The following NCOA2 variants were observed in gnomAD, a reference collection of about 807,000 sequenced individuals.
NCOA2 encodes the protein nuclear receptor coactivator 2, also known as class E basic helix-loop-helix protein 75.
Under a neutral mutation model 145.1 loss-of-function variants are expected in NCOA2, and 21 were observed. The observed-to-expected ratio is 0.14, with a 90% confidence interval of 0.10 to 0.21. The LOEUF is 0.21. Ranked by LOEUF, NCOA2 falls within the 10% of genes least tolerant of loss-of-function variation. The pLI, the probability that NCOA2 is intolerant of heterozygous loss-of-function variation, is 1.00. For synonymous variants in NCOA2, 619 were observed against 637.5 expected (o/e 0.97, Z 0.44); for missense variants, 1,472 against 1,837.6 (o/e 0.80, Z 3.64).
intron 1 of NCOA2, among the ~76,000 whole-genome samples, chr8:70,339,913 T>G (rs1807969747): frequency 6.6e-6 from 1 of 152,186 alleles, no homozygotes; most frequent in Admixed American, 6.5e-5. Context: ...GTGGACCCCT[T>G]CCTTACACCT....
chr8:70,329,752 G>A (rs187640819), intron 1 of NCOA2, among the ~76,000 whole-genome samples: 5 of 152,082 alleles, frequency 3.3e-5, no homozygotes, highest in East Asian at 1.9e-4. Flanking sequence ...AAGCACTAAC[G>A]CTATATACTA....
At chr8:70,423,838 C>T in the NCOA2 span, among the ~76,000 whole-genome samples, 1 of 152,174 alleles carries the variant, frequency 6.6e-6, no homozygotes, top group Non-Finnish European at 1.5e-5. Flanking sequence ...GCAGCACACT[C>T]TTGTCCCACA....
intron 2 of NCOA2, among the ~76,000 whole-genome samples, chr8:70,288,095 T>C (rs971535093): frequency 2.6e-5 from 4 of 152,246 alleles, no homozygotes; most frequent in South Asian, 4.2e-4. Flanking sequence ...GTCTTTAAAA[T>C]AGGATCATAA....
upstream of NCOA2, among the ~76,000 whole-genome samples, chr8:70,407,728 G>A (rs764791000): frequency 2.6e-5 from 4 of 152,136 alleles, no homozygotes; most frequent in African/African-American, 4.8e-5. Context: ...ACCGGGAGGC[G>A]GAGGTTGCAG....
Position 70,113,655 on chromosome 8 carries a change from C to G in NCOA2, c.4384-12G>C. The G allele has an allele frequency of 6.4e-7, 1 of 1,551,630 alleles. No homozygotes were observed. The highest frequency in any genetic ancestry group is 8.7e-7 in the Non-Finnish European group (1 of 1,146,902). ...TGTCAGCAATATTTCTGTAGGAAAACAGATAAAAAGTTGTGAAACATCTTT... is the reference window on the plus strand; with the variant it reads ...TGTCAGCAATATTTCTGTAGGAAAAGAGATAAAAAGTTGTGAAACATCTTT... On this transcript the variant is annotated splice_polypyrimidine_tract_variant and intron_variant, in intron 22 of 22. Coordinates refer to ENST00000452400, the MANE Select transcript of NCOA2 (RefSeq NM_006540.4).
chr8:70,139,257 T>TA (rs1369359815), intron 14 of NCOA2, among the ~76,000 whole-genome samples: 2 of 152,332 alleles, frequency 1.3e-5, no homozygotes, highest in Admixed American at 6.5e-5. Context: ...TGGAGTTTAT[T>TA]AAAAATCAGA....
intron 16 of NCOA2, among the ~76,000 whole-genome samples, chr8:70,130,095 G>T (rs1008977030): frequency 4.6e-5 from 7 of 152,198 alleles, no homozygotes; most frequent in African/African-American, 1.7e-4. Context: ...GTGACAGCCA[G>T]GAGCCCACTG....
intron 1 of NCOA2, among the ~76,000 whole-genome samples, chr8:70,321,812 TTTTTTTTTTG>T: frequency 7.0e-6 from 1 of 142,494 alleles, no homozygotes; most frequent in Non-Finnish European, 1.5e-5. Flanking sequence ...TTTTTTTTTT[TTTTTTTTTTG>T]GTGAAACAGC....
At position 70,159,242 on chromosome 8, in the gene NCOA2, A is replaced by ATATATATATATATTTTTTTT; in HGVS notation, c.1124+262_1124+263insAAAAAAAATATATATATATA. On this transcript the variant is annotated intron_variant, in intron 10 of 22. Coordinates refer to ENST00000452400, the MANE Select transcript of NCOA2 (RefSeq NM_006540.4). ...TAACATTATATATATATATATATAT[A>ATATATATATATATTTTTTTT]TTTTTTTTTTTTTCCCCCAAATATT... Among the ~76,000 whole-genome samples the ATATATATATATATTTTTTTT allele has an allele frequency of 1.8e-4, 11 of 61,076 alleles. 1 individual carries two copies. The highest frequency in any genetic ancestry group is 5.9e-4 in the African/African-American group (11 of 18,496). 40.1% of individuals were successfully genotyped at this position (61,076 alleles called of 152,430 possible). A position where few individuals can be genotyped will look rare whatever the true frequency, so the allele number is the denominator to read the frequency against.
chr8:70,404,239 A>G (rs1814653186), upstream of NCOA2, among the ~76,000 whole-genome samples: 1 of 152,242 alleles, frequency 6.6e-6, no homozygotes, highest in South Asian at 2.1e-4. Flanking sequence ...GAGAGTCAAC[A>G]GAGGACTGCA....
At chr8:70,325,455 ACT>A (rs1806469342) in intron 1 of NCOA2, among the ~76,000 whole-genome samples, 12 of 151,282 alleles carry the variant, frequency 7.9e-5, no homozygotes, top group Admixed American at 7.9e-4. Context: ...TTTTTTAAAC[ACT>A]CTGTCGCCCA....
At chr8:70,234,473 T>C (rs1821424502) in intron 2 of NCOA2, among the ~76,000 whole-genome samples, 1 of 152,222 alleles carries the variant, frequency 6.6e-6, no homozygotes, top group African/African-American at 2.4e-5. Flanking sequence ...TTTACATTCC[T>C]ACCAGTAATA....
intron 2 of NCOA2, among the ~76,000 whole-genome samples, chr8:70,240,323 C>G (rs939041063): frequency 2.6e-5 from 4 of 152,164 alleles, no homozygotes; most frequent in African/African-American, 9.7e-5. Flanking sequence ...AAGTACATGG[C>G]CTGGTATACA....
At chr8:70,153,714 CACTT>C (rs1458085443) in intron 11 of NCOA2, among the ~76,000 whole-genome samples, 1 of 152,182 alleles carries the variant, frequency 6.6e-6, no homozygotes, top group African/African-American at 2.4e-5. Flanking sequence ...AAGATTAAAA[CACTT>C]ACAGGTGTTA....
At chr8:70,372,502 T>C (rs1485990034) in intron 1 of NCOA2, among the ~76,000 whole-genome samples, 1 of 152,132 alleles carries the variant, frequency 6.6e-6, no homozygotes, top group Admixed American at 6.5e-5. Context: ...TTGCCACAAA[T>C]GCTCATTTTA....
chr8:70,376,304 C>A (rs976882769), intron 1 of NCOA2, among the ~76,000 whole-genome samples: 1 of 152,026 alleles, frequency 6.6e-6, no homozygotes, highest in Non-Finnish European at 1.5e-5. Context: ...ATTATCATAT[C>A]TAACTTTCTT....
chr8:70,129,933 G>A (rs1380905940), intron 16 of NCOA2, among the ~76,000 whole-genome samples: 4 of 152,180 alleles, frequency 2.6e-5, no homozygotes, highest in Admixed American at 2.0e-4. Context: ...GCCTCCCAAA[G>A]TGCTGGGATT....
intron 1 of NCOA2, among the ~76,000 whole-genome samples, chr8:70,311,881 C>A (rs1009637250): frequency 1.3e-5 from 2 of 152,160 alleles, no homozygotes; most frequent in African/African-American, 4.8e-5. Context: ...TTAAGGCATC[C>A]ACATCTTCTA....
rs1817318900 is a variant in NCOA2 at position 70,196,415 on chromosome 8, T to C, written c.259+17488A>G. ...AAAAATAAAAAATAACCTTTCCTTT[T>C]TTCTCTTCACCTATGATGGATATAC... On this transcript the variant is annotated intron_variant, in intron 4 of 22. Transcript: ENST00000452400. Among the ~76,000 whole-genome samples the C allele has an allele frequency of 1.3e-5, 2 of 152,122 alleles. 1 individual carries two copies. Among genetic ancestry groups the C allele is most frequent in the Non-Finnish European group, 2.9e-5 (2 of 68,008 alleles).
Sources: allele counts gnomAD v4.1 joint callset (sites outside exome capture counted in the v4.1 genomes callset), GRCh38; gene constraint gnomAD v4.1.1; transcripts MANE v1.5; gene names NCBI Gene and HGNC (gene_info 2026-07-23, HGNC 2026-07-21).